KRT79: variants seen among roughly 807,000 people sequenced by gnomAD.
KRT79 encodes keratin 79.
KRT79 carries 51 observed loss-of-function variants against 49.0 expected under a neutral mutation model. That is an observed-to-expected ratio of 1.04 (90% CI 0.83 to 1.31). The LOEUF (loss-of-function observed/expected upper bound fraction) is 1.31, where lower values mean the gene tolerates loss of function less well. Ranked by LOEUF, KRT79 falls within the 40% of genes most tolerant of loss-of-function variation. The probability of loss-of-function intolerance (pLI) is 0.00; values close to 1 mark genes in which losing one functional copy is unlikely to be tolerated. For synonymous variants in KRT79, 312 were observed against 286.6 expected (o/e 1.09, Z -0.90); for missense variants, 728 against 688.0 (o/e 1.06, Z -0.65).
At chr12:52,823,279 T>C in intron 6 of KRT79, 43 bp from the exon 7 acceptor site, 2 of 1,501,728 alleles carry the variant, frequency 1.3e-6, no homozygotes, top group Non-Finnish European at 1.8e-6. Flanking sequence ...TCCGGGGTCA[T>C]CCCATTCATC....
intron 7 of KRT79, 130 bp downstream of exon 7, chr12:52,822,885 TC>T (rs527705271): frequency 1.8e-5 from 15 of 831,578 alleles, no homozygotes; most frequent in South Asian, 1.3e-4. Flanking sequence ...AAGCAGATTT[TC>T]CCCCCGCGTG....
rs778302233 is a variant in KRT79 at position 52,821,938 on chromosome 12, T to C, written c.1542A>G (p.Pro514=). The C allele has an allele frequency of 1.2e-6, 2 of 1,614,162 alleles. No homozygotes were observed. The highest frequency in any genetic ancestry group is 2.2e-5 in the South Asian group (2 of 91,086). Residue 514 remains proline (P), a synonymous_variant, in exon 9 of 9, where the codon CCA becomes CCG. Transcript: ENST00000330553. The part of the protein sequence containing the change: ...NVGYSTVKGG[P]VSAGTSILRK... Reference sequence around the variant, plus strand: ...GCAGGATGGAGGTGCCCGCAGAGACTGGCCCTCCCTTGACGGTGCTATAGC... The same window carrying C: ...GCAGGATGGAGGTGCCCGCAGAGACCGGCCCTCCCTTGACGGTGCTATAGC...
At chr12:52,831,802 G>A (rs1424369560) in intron 1 of KRT79, among the ~76,000 whole-genome samples, 176 bp from the exon 2 acceptor site, 1 of 152,136 alleles carries the variant, frequency 6.6e-6, no homozygotes, top group Admixed American at 6.6e-5. Context: ...GGAAACGACC[G>A]TCCAATCTGA....
At position 52,833,967 on chromosome 12, in the gene KRT79, C is replaced by T. The variant is rs1381659298; in HGVS notation, c.294G>A (p.Gln98=). The T allele has an allele frequency of 6.2e-7, 1 of 1,613,118 alleles. No individual in the cohort carries two copies. Among genetic ancestry groups the T allele is most frequent in the African/African-American group, 1.3e-5 (1 of 74,888 alleles). Reference sequence around the variant, plus strand: ...GCCCAAACGTCTGCCTGCCAGCCCCCTGTCCCATAAATGCCCTGCTGCCAA... The same window carrying T: ...GCCCAAACGTCTGCCTGCCAGCCCCTTGTCCCATAAATGCCCTGCTGCCAA... The part of the protein sequence containing the change: ...FGFGSRAFMG[Q]GAGRQTFGPA... Residue 98 remains glutamine (Q), a synonymous_variant, in exon 1 of 9, where the codon CAG becomes CAA. Transcript: ENST00000330553.
chr12:52,830,990 AAT>A (rs1940245062), intron 2 of KRT79, among the ~76,000 whole-genome samples: 2 of 152,210 alleles, frequency 1.3e-5, no homozygotes. Flanking sequence ...TAACTTGTAA[AAT>A]ATTAGTGAAT....
At chr12:52,827,138 C>T (rs922915674) in intron 4 of KRT79, among the ~76,000 whole-genome samples, 4 of 152,208 alleles carry the variant, frequency 2.6e-5, no homozygotes, top group Admixed American at 2.0e-4. Flanking sequence ...CCTTCCTGCT[C>T]CTCCTCTAGA....
chr12:52,832,372 T>G (rs1047808515), intron 1 of KRT79, among the ~76,000 whole-genome samples: 1 of 152,044 alleles, frequency 6.6e-6, no homozygotes, highest in African/African-American at 2.4e-5. Context: ...CAACATTTTT[T>G]CCCAAAAAAA....
Position 52,821,910 on chromosome 12 carries a change from T to C in KRT79, c.1570A>G (p.Lys524Glu). ...PVSAGTSILR[K>E]TTTVKTSSQR... Reference sequence around the variant, plus strand: ...CTGGACGTCTTGACCGTAGTGGTCTTCCGCAGGATGGAGGTGCCCGCAGAG... The same window carrying C: ...CTGGACGTCTTGACCGTAGTGGTCTCCCGCAGGATGGAGGTGCCCGCAGAG... Residue 524 changes from lysine (K) to glutamate (E), a missense_variant, in exon 9 of 9, where the codon AAG becomes GAG. Transcript: ENST00000330553. The C allele has an allele frequency of 6.2e-7, 1 of 1,614,116 alleles. No individual in the cohort carries two copies. The highest frequency in any genetic ancestry group is 1.6e-4 in the Middle Eastern group (1 of 6,062).
intron 4 of KRT79, among the ~76,000 whole-genome samples, chr12:52,826,367 G>A (rs1940175687): frequency 6.6e-6 from 1 of 152,034 alleles, no homozygotes; most frequent in African/African-American, 2.4e-5. Flanking sequence ...ACAAAAATTA[G>A]CCAGGCATGG....
Position 52,831,727 on chromosome 12 carries a change from T to C in KRT79, c.478-101A>G, listed in dbSNP as rs1940259314. ...CCTCCCCTCCAAGGCCAGGGCAACA[T>C]AGGGACGCTGCAGCCGCACCTACAC... On this transcript the variant is annotated intron_variant, in intron 1 of 8. Coordinates refer to ENST00000330553, the MANE Select transcript of KRT79 (RefSeq NM_175834.3). 35 of 910,270 alleles carry C rather than the reference T, an allele frequency of 3.8e-5. No individual in the cohort carries two copies. In the South Asian group the frequency reaches 4.9e-4, roughly 13 times the overall value. The allele number at this position is 910,270 out of a possible 1,614,324, so 56.4% of individuals were successfully genotyped here.
At chr12:52,823,738 T>G (rs1390628154) in intron 6 of KRT79, 149 bp downstream of exon 6, 1 of 908,262 alleles carries the variant, frequency 1.1e-6, no homozygotes, top group East Asian at 2.6e-5. Context: ...TGTGCCTCAG[T>G]TTCCCCCCAT....
intron 2 of KRT79, 44 bp downstream of exon 2, chr12:52,831,362 C>T (rs776623303): frequency 1.3e-6 from 2 of 1,577,658 alleles, no homozygotes; most frequent in Non-Finnish European, 1.7e-6. Context: ...TTCCCACTGC[C>T]CCTCCTCACT....
At chr12:52,825,106 G>A (rs539509268) in intron 4 of KRT79, among the ~76,000 whole-genome samples, 36 of 152,340 alleles carry the variant, frequency 2.4e-4, no homozygotes, top group Non-Finnish European at 4.9e-4. Flanking sequence ...CTTGGGACCA[G>A]TGGGATCGCT....
chr12:52,824,413 A>G (rs979154887), intron 4 of KRT79, 51 bp from the exon 5 acceptor site: 5 of 1,589,182 alleles, frequency 3.1e-6, no homozygotes, highest in Non-Finnish European at 4.3e-6. Flanking sequence ...AGGCCCCAGG[A>G]AGCATCAGAG....
At chr12:52,822,421 T>G in intron 7 of KRT79, 42 bp from the exon 8 acceptor site, 1 of 1,414,216 alleles carries the variant, frequency 7.1e-7, no homozygotes, top group Non-Finnish European at 9.6e-7. Flanking sequence ...CAGTTATCCC[T>G]GGTGCCCACA....
At chr12:52,832,173 T>C (rs1940265376) in intron 1 of KRT79, among the ~76,000 whole-genome samples, 1 of 151,770 alleles carries the variant, frequency 6.6e-6, no homozygotes, top group African/African-American at 2.4e-5. Context: ...GAGGCTGAAG[T>C]GGGAGGATCA....
Sources: gnomAD v4.1 joint callset for allele counts (sites outside exome capture counted in the v4.1 genomes callset) on GRCh38, gnomAD v4.1.1 for gene constraint, MANE v1.5 for transcripts, NCBI Gene and HGNC (gene_info 2026-07-23, HGNC 2026-07-21) for gene names.